Variants in GALM observed in about 807,000 individuals in gnomAD.
GALM encodes the protein galactose mutarotase.
In GALM, 43 loss-of-function variants were observed where a neutral mutation model predicts 37.4. That is an observed-to-expected ratio of 1.15 (90% CI 0.90 to 1.48). The LOEUF is 1.48. Ranked by LOEUF, GALM falls within the 40% of genes most tolerant of loss-of-function variation. The probability of loss-of-function intolerance (pLI) is 0.00; values close to 1 mark genes in which losing one functional copy is unlikely to be tolerated. For synonymous variants in GALM, 199 were observed against 170.6 expected, an observed-to-expected ratio of 1.17 and a Z score of -1.30; for missense variants, 456 against 419.1, an observed-to-expected ratio of 1.09 and a Z score of -0.77.
chr2:38,699,854 T>C (rs763584162), intron 4 of GALM, among the ~76,000 whole-genome samples: 1 of 152,210 alleles, frequency 6.6e-6, no homozygotes, highest in Non-Finnish European at 1.5e-5. Flanking sequence ...TAACATATGG[T>C]CTATTCTGGA....
At chr2:38,689,087 T>C (rs1403284583) in intron 3 of GALM, among the ~76,000 whole-genome samples, 1 of 152,338 alleles carries the variant, frequency 6.6e-6, no homozygotes, top group Admixed American at 6.5e-5. Context: ...CCCAAAATGC[T>C]GGGATTACAG....
chr2:38,733,362 A>T, intron 6 of GALM, 126 bp from the exon 7 acceptor site: 1 of 801,154 alleles, frequency 1.2e-6, no homozygotes, highest in Non-Finnish European at 2.2e-6. Flanking sequence ...AACCAATCAT[A>T]AACAGTTCCC....
In GALM at chr2:38,678,617, T is replaced by A. The variant is rs1572513709; in HGVS notation, c.345+2551T>A. ...TATAACAGGCTTCATATTTTGAGTG[T>A]CTTGAAAGTTCAACCTTTCTGGGAG... On this transcript the variant is annotated intron_variant, in intron 2 of 6. Coordinates refer to ENST00000272252, the MANE Select transcript of GALM (RefSeq NM_138801.3). Among the ~76,000 whole-genome samples the A allele has an allele frequency of 2.6e-5, 4 of 152,312 alleles. No individual in the cohort carries two copies. In the South Asian group the frequency reaches 8.3e-4, roughly 32 times the overall value.
At chr2:38,708,226 G>A (rs2148447003) in intron 4 of GALM, among the ~76,000 whole-genome samples, 1 of 152,116 alleles carries the variant, frequency 6.6e-6, no homozygotes, top group East Asian at 1.9e-4. Context: ...CTTGAGCCCA[G>A]AGAGCTAGGG....
At chr2:38,718,056 C>T (rs1239599292) in intron 4 of GALM, among the ~76,000 whole-genome samples, 5 of 151,532 alleles carry the variant, frequency 3.3e-5, no homozygotes, top group African/African-American at 9.7e-5. Context: ...AGGCTGGTCT[C>T]GAACTCCTGG....
intron 3 of GALM, chr2:38,682,317 T>TGAAG (rs775184021): frequency 2.3e-6 from 1 of 441,184 alleles, no homozygotes; most frequent in South Asian, 1.6e-5. Context: ...AGATTATATC[T>TGAAG]ATTACTTCCT....
chr2:38,671,420 A>G (rs1400995608), intron 1 of GALM: 1 of 152,250 alleles, frequency 6.6e-6, no homozygotes, highest in Non-Finnish European at 1.5e-5. Flanking sequence ...AGGAAGCTAG[A>G]CAGATCTTAC....
chr2:38,673,598 C>T (rs1253991686), intron 1 of GALM, among the ~76,000 whole-genome samples: 2 of 152,032 alleles, frequency 1.3e-5, no homozygotes, highest in Admixed American at 1.3e-4. Context: ...ATTACAAGGT[C>T]AGGAGATCGA....
intron 3 of GALM, chr2:38,682,326 C>G: frequency 6.9e-6 from 3 of 432,700 alleles, no homozygotes; most frequent in Non-Finnish European, 9.5e-6. Flanking sequence ...CTATTACTTC[C>G]TCTTTATCTG....
chr2:38,676,474 G>T (rs910765103), intron 2 of GALM, among the ~76,000 whole-genome samples: 1 of 151,964 alleles, frequency 6.6e-6, no homozygotes, highest in African/African-American at 2.4e-5. Flanking sequence ...GCACTGAAAG[G>T]CCACATGGCC....
At chr2:38,711,859 A>C (rs1389668935) in intron 4 of GALM, among the ~76,000 whole-genome samples, 1 of 141,252 alleles carries the variant, frequency 7.1e-6, no homozygotes, top group African/African-American at 2.5e-5. Flanking sequence ...CACCACCATC[A>C]TCATCATCAT....
chr2:38,691,739 T>TA (rs1553381727), intron 4 of GALM, among the ~76,000 whole-genome samples: 3,436 of 150,880 alleles, frequency 0.023, 104 homozygotes, highest in African/African-American at 0.074. Context: ...TTTTTTTTTT[T>TA]AAAAAAGACC....
intron 4 of GALM, among the ~76,000 whole-genome samples, chr2:38,711,337 T>C (rs1246320227): frequency 6.6e-6 from 1 of 152,116 alleles, no homozygotes; most frequent in African/African-American, 2.4e-5. Flanking sequence ...TTTTTGTATT[T>C]TTTAGTAGAG....
intron 2 of GALM, chr2:38,680,082 G>A (rs964932098): frequency 6.8e-5 from 31 of 452,788 alleles, no homozygotes; most frequent in African/African-American, 3.6e-4. Flanking sequence ...TGGTGTGTGC[G>A]ATCTCGGCTC....
At chr2:38,696,433 C>CTTTTTTTTTTT (rs35556554) in intron 4 of GALM, among the ~76,000 whole-genome samples, 4 of 136,516 alleles carry the variant, frequency 2.9e-5, no homozygotes, top group Non-Finnish European at 6.3e-5. Context: ...TTTTTCTTTT[C>CTTTTTTTTTTT]TTTTTTTTTT....
chr2:38,720,874 G>A (rs909715441), intron 4 of GALM, among the ~76,000 whole-genome samples: 1 of 152,210 alleles, frequency 6.6e-6, no homozygotes, highest in Non-Finnish European at 1.5e-5. Context: ...GAGAGAGAGA[G>A]GGCGAGGCTG....
chr2:38,677,669 T>A (rs1665291114), intron 2 of GALM, among the ~76,000 whole-genome samples: 2 of 152,166 alleles, frequency 1.3e-5, no homozygotes, highest in South Asian at 4.1e-4. Context: ...GTTGCTTAAC[T>A]TATATTCCCT....
chr2:38,701,069 C>T (rs1665907531), intron 4 of GALM, among the ~76,000 whole-genome samples: 1 of 152,224 alleles, frequency 6.6e-6, no homozygotes, highest in Admixed American at 6.5e-5. Context: ...ATTCTAGTTC[C>T]CTGCCCTGTG....
intron 4 of GALM, among the ~76,000 whole-genome samples, chr2:38,711,263 G>A (rs940772121): frequency 7.9e-5 from 12 of 151,344 alleles, no homozygotes; most frequent in Admixed American, 2.6e-4. Flanking sequence ...AGGTTCAAGC[G>A]ATTCTCCTGC....
Sources: allele counts gnomAD v4.1 joint callset (sites outside exome capture counted in the v4.1 genomes callset), GRCh38; gene constraint gnomAD v4.1.1; transcripts MANE v1.5; gene names NCBI Gene and HGNC (gene_info 2026-07-23, HGNC 2026-07-21).